Variants in LBHD2 observed in about 807,000 individuals in gnomAD.
The protein encoded by LBHD2 is LBH domain-containing protein 2.
At chr14:103,086,298 G>A (rs935481657) in intron 2 of LBHD2, among the ~76,000 whole-genome samples, 53 of 152,184 alleles carry the variant, frequency 3.5e-4, no homozygotes, top group African/African-American at 1.2e-3. Context: ...TGCAGCCTCC[G>A]CCTCCGGGGT....
Position 103,085,995 on chromosome 14 carries a change from C to T in LBHD2, c.-18C>T, listed in dbSNP as rs1319861572. 2.0e-5 allele frequency: 8 copies of T among 398,544 alleles called. No individual in the cohort carries two copies. The highest frequency in any genetic ancestry group is 4.1e-5 in the African/African-American group (2 of 48,604). 24.7% of individuals were successfully genotyped at this position (398,544 alleles called of 1,614,324 possible). A position where few individuals can be genotyped will look rare whatever the true frequency, so the allele number is the denominator to read the frequency against. ...TCCCAGTCCTCGTGCAGCTTAGTGG[C>T]GCAGTGGCGGCAGCAGCATGAGCAC... is the stretch of plus-strand genomic sequence containing the variant. On this transcript the variant is annotated 5_prime_UTR_variant, in exon 2 of 4. Transcript: ENST00000634353.
chr14:103,089,785 G>C lies in LBHD2; in HGVS notation c.315G>C (p.Pro105=), dbSNP rs151023840. Residue 105 remains proline (P), a synonymous_variant, in exon 4 of 4, where the codon CCG becomes CCC. Coordinates refer to ENST00000634353, the MANE Select transcript of LBHD2 (RefSeq NM_001330236.2). ...CCTGCTCCGAGGACCCAGCAGCCCCGGCCCGGGGATAGGACAAGGACGTGG... is the reference window on the plus strand; with the variant it reads ...CCTGCTCCGAGGACCCAGCAGCCCCCGCCCGGGGATAGGACAAGGACGTGG... ...ECACSEDPAA[P]ARG is the part of the protein sequence containing the mutation. 1 of 398,534 alleles carries C rather than the reference G, an allele frequency of 2.5e-6. No homozygotes were observed. Among genetic ancestry groups the C allele is most frequent in the Non-Finnish European group, 4.4e-6 (1 of 226,084 alleles). 24.7% of individuals were successfully genotyped at this position (398,534 alleles called of 1,614,324 possible).
At chr14:103,087,123 T>G (rs1889645467) in intron 2 of LBHD2, among the ~76,000 whole-genome samples, 1 of 152,248 alleles carries the variant, frequency 6.6e-6, no homozygotes, top group Non-Finnish European at 1.5e-5. Context: ...GTCCCTGCTC[T>G]GCTGTCCTCT....
intron 3 of LBHD2, 48 bp from the exon 4 acceptor site, chr14:103,089,649 G>C (rs963698193): frequency 7.5e-6 from 3 of 398,480 alleles, no homozygotes; most frequent in Admixed American, 4.4e-5. Context: ...ATCCTCTCAG[G>C]CTGCACTCCC....
At chr14:103,087,091 C>G (rs1889645034) in intron 2 of LBHD2, among the ~76,000 whole-genome samples, 1 of 152,226 alleles carries the variant, frequency 6.6e-6, no homozygotes, top group Non-Finnish European at 1.5e-5. Context: ...TGGGAGGATC[C>G]AGCCTTTGGG....
Position 103,089,914 on chromosome 14 carries a change from C to A in LBHD2, c.*117C>A. On this transcript the variant is annotated 3_prime_UTR_variant, in exon 4 of 4. Coordinates refer to ENST00000634353, the MANE Select transcript of LBHD2 (RefSeq NM_001330236.2). ...AGCCTGGAAAGCCCAGAGGCTGCTT[C>A]CTGTGTCACAGGGTCTGGACCGCAG... 1 of 397,770 alleles carries A rather than the reference C, an allele frequency of 2.5e-6. No homozygotes were observed. The highest frequency in any genetic ancestry group is 4.4e-6 in the Non-Finnish European group (1 of 225,882). 24.6% of individuals were successfully genotyped at this position (397,770 alleles called of 1,614,324 possible).
At position 103,089,876 on chromosome 14, in the gene LBHD2, G is replaced by A; in HGVS notation, c.*79G>A. On this transcript the variant is annotated 3_prime_UTR_variant, in exon 4 of 4. Coordinates refer to ENST00000634353, the MANE Select transcript of LBHD2 (RefSeq NM_001330236.2). ...GGTGGCCGGGCTGATGCACAGGAGG[G>A]CCGGGCCTGCCCAGCCTGGAAAGCC... 1 of 397,918 alleles carries A rather than the reference G, an allele frequency of 2.5e-6. No individual in the cohort carries two copies. Among genetic ancestry groups the A allele is most frequent in the Non-Finnish European group, 4.4e-6 (1 of 225,754 alleles). 24.6% of individuals were successfully genotyped at this position (397,918 alleles called of 1,614,324 possible).
In LBHD2 at chr14:103,085,163, G is replaced by A. The variant is rs557549001; in HGVS notation, c.-37-813G>A. On this transcript the variant is annotated intron_variant, in intron 1 of 3. Coordinates refer to ENST00000634353, the MANE Select transcript of LBHD2 (RefSeq NM_001330236.2). ...CCACCCTCACCCACCCCAGCAGGAC[G>A]TCACAGGCATTCCATCCTGCTGGTC... 3.5e-4 allele frequency among the ~76,000 whole-genome samples: 53 copies of A among 152,228 alleles called. No individual in the cohort carries two copies. The East Asian group carries it at 8.7e-3, about 25-fold the overall frequency.
chr14:103,089,253 C>T (rs1485277398), intron 3 of LBHD2, among the ~76,000 whole-genome samples: 1 of 152,154 alleles, frequency 6.6e-6, no homozygotes, highest in Non-Finnish European at 1.5e-5. Context: ...CTTGCCTGCC[C>T]TCTTCCCATC....
At chr14:103,089,276 C>G (rs1341895974) in intron 3 of LBHD2, among the ~76,000 whole-genome samples, 1 of 152,142 alleles carries the variant, frequency 6.6e-6, no homozygotes, top group Non-Finnish European at 1.5e-5. Flanking sequence ...CAGACCTCAG[C>G]CTGTACTGGC....
At chr14:103,088,308 C>T (rs1057126734) in intron 3 of LBHD2, 67 bp downstream of exon 3, 17 of 398,486 alleles carry the variant, frequency 4.3e-5, no homozygotes, top group African/African-American at 2.9e-4. Context: ...AGAAGCGGGG[C>T]GTGCTTCCTG....
At chr14:103,089,585 TC>T in intron 3 of LBHD2, 111 bp from the exon 4 acceptor site, 1 of 397,992 alleles carries the variant, frequency 2.5e-6, no homozygotes, top group Non-Finnish European at 4.4e-6. Flanking sequence ...CGAGGGGACC[TC>T]CTGGCCTGCC....
intron 3 of LBHD2, among the ~76,000 whole-genome samples, chr14:103,089,046 G>A (rs1330547405): frequency 3.9e-5 from 6 of 152,306 alleles, no homozygotes; most frequent in South Asian, 4.1e-4. Context: ...GGGGGCAGCC[G>A]GCGCCAGGCC....
intron 1 of LBHD2, 53 bp from the exon 2 acceptor site, chr14:103,085,923 G>C (rs768664301): frequency 1.2e-4 from 48 of 398,160 alleles, no homozygotes; most frequent in Non-Finnish European, 1.9e-4. Context: ...AGCCTTCGGG[G>C]GAGTGTGGAT....
intron 3 of LBHD2, among the ~76,000 whole-genome samples, chr14:103,089,059 A>C (rs1315002790): frequency 3.3e-5 from 5 of 152,224 alleles, no homozygotes; most frequent in Non-Finnish European, 5.9e-5. Flanking sequence ...GCCAGGCCCA[A>C]GGAACAGGAG....
At chr14:103,087,038 G>C (rs1049123167) in intron 2 of LBHD2, among the ~76,000 whole-genome samples, 1 of 152,222 alleles carries the variant, frequency 6.6e-6, no homozygotes, top group Non-Finnish European at 1.5e-5. Context: ...CAGGCTGGGG[G>C]ATGAGCCCCC....
rs1889687096 is a variant in LBHD2 at position 103,089,757 on chromosome 14, G to A, written c.287G>A (p.Cys96Tyr). The change falls in exon 4 of 4, where the codon TGT (cysteine) becomes TAT (tyrosine). Residue 96 changes from cysteine to tyrosine, a missense_variant. Cys to Tyr is a radical substitution (Grantham distance 194). Coordinates refer to ENST00000634353, the MANE Select transcript of LBHD2 (RefSeq NM_001330236.2). ...GCTGCAGATAACGCTGGCAGCGAGT[G>A]TGCCTGCTCCGAGGACCCAGCAGCC... ...GKAADNAGSE[C>Y]ACSEDPAAPA... 1 of 398,692 alleles carries A rather than the reference G, an allele frequency of 2.5e-6. No individual in the cohort carries two copies. Among genetic ancestry groups the A allele is most frequent in the African/African-American group, 2.1e-5 (1 of 48,770 alleles). The allele number at this position is 398,692 out of a possible 1,614,324, so 24.7% of individuals were successfully genotyped here.
rs1296011665 is a variant in LBHD2, at chr14:103,084,236, G to C, written c.-149G>C. ...GGAGAGCGCGGAGCCAGCGGAGCGC[G>C]GAGGCCCCAGCGCCAGCACCCGCGC... On this transcript the variant is annotated 5_prime_UTR_variant, in exon 1 of 4. Coordinates refer to ENST00000634353, the MANE Select transcript of LBHD2 (RefSeq NM_001330236.2). The C allele has an allele frequency of 6.6e-6, 1 of 152,294 alleles. No individual in the cohort carries two copies. Among genetic ancestry groups the C allele is most frequent in the East Asian group, 1.9e-4 (1 of 5,182 alleles). The allele number at this position is 152,294 out of a possible 1,614,324, so 9.4% of individuals were successfully genotyped here.
chr14:103,086,126 A>C (rs571551665), intron 2 of LBHD2, 45 bp downstream of exon 2: 21 of 398,602 alleles, frequency 5.3e-5, no homozygotes, highest in African/African-American at 4.1e-4. Flanking sequence ...AGCAAGCCTC[A>C]AACTCTGTCC....
Sources: allele counts gnomAD v4.1 joint callset (sites outside exome capture counted in the v4.1 genomes callset), GRCh38; gene constraint gnomAD v4.1.1; transcripts MANE v1.5; gene names NCBI Gene and HGNC (gene_info 2026-07-23, HGNC 2026-07-21).